The following ZNF615 variants were observed in gnomAD, a reference collection of about 807,000 sequenced individuals.
The protein encoded by ZNF615 is zinc finger protein 615.
ZNF615 carries 15 observed loss-of-function variants against 15.3 expected under a neutral mutation model. That is an observed-to-expected ratio of 0.98 (90% CI 0.66 to 1.51). ZNF615 has a LOEUF of 1.51. ZNF615 is among the 40% of genes most tolerant of loss of function. The probability of loss-of-function intolerance (pLI) is 0.00; values close to 1 mark genes in which losing one functional copy is unlikely to be tolerated. For missense variants in ZNF615, 848 were observed against 895.9 expected (o/e 0.95, Z 0.68); for synonymous variants, 268 against 294.6 (o/e 0.91, Z 0.92).
In ZNF615 at chr19:51,994,248, A is replaced by T; in HGVS notation, c.861T>A (p.Asn287Lys). The T allele has an allele frequency of 6.2e-7, 1 of 1,614,138 alleles. No individual in the cohort carries two copies. The highest frequency in any genetic ancestry group is 8.5e-7 in the Non-Finnish European group (1 of 1,180,020). The change falls in exon 7 of 7, where the codon AAT becomes AAA. Residue 287 changes from asparagine to lysine, a missense_variant. Asn to Lys is a moderately conservative substitution (Grantham distance 94). Coordinates refer to ENST00000598071, the MANE Select transcript of ZNF615 (RefSeq NM_001199324.2). ...CTCCCATATGAGTTTTCTGATGTAT[A>T]TTGAGCTGTGATTTCTTGAGGAAGG... Reference protein sequence around the residue: ...DKTFLKKSQLNIHQKTHMGGK... With the variant: ...DKTFLKKSQLKIHQKTHMGGK...
rs769560133 is a variant in ZNF615 at position 52,003,696 on chromosome 19, C to G, written c.15+1G>C. ...AAAGAATAAAACAAACCAAAAGTCACCTGGGCCTGCATCATTGTCTCCTAA... is the reference window on the plus strand; with the variant it reads ...AAAGAATAAAACAAACCAAAAGTCAGCTGGGCCTGCATCATTGTCTCCTAA... On this transcript the variant is annotated splice_donor_variant, in intron 3 of 6. Transcript: ENST00000598071. LOFTEE classifies it high-confidence loss of function. 4 of 1,612,696 alleles carry G rather than the reference C, an allele frequency of 2.5e-6. No individual in the cohort carries two copies. In the Admixed American group the frequency reaches 6.7e-5, roughly 27 times the overall value.
chr19:51,996,512 T>G (rs1341658343), intron 6 of ZNF615, among the ~76,000 whole-genome samples: 1 of 152,016 alleles, frequency 6.6e-6, no homozygotes, highest in Non-Finnish European at 1.5e-5. Context: ...GCATGCCTTG[T>G]GAAACACATA....
intron 2 of ZNF615, chr19:52,004,964 C>T (rs903399355): frequency 2.6e-5 from 4 of 151,974 alleles, no homozygotes; most frequent in Non-Finnish European, 5.9e-5. Context: ...TTAAAATATT[C>T]CATAAGAACA....
At chr19:52,001,514 A>G (rs980889515) in intron 5 of ZNF615, among the ~76,000 whole-genome samples, 14 of 150,666 alleles carry the variant, frequency 9.3e-5, no homozygotes, top group Non-Finnish European at 4.4e-5. Flanking sequence ...GCTACTCAGG[A>G]GGCTGAGGCA....
At chr19:52,007,116 C>A (rs137897623) in intron 2 of ZNF615, among the ~76,000 whole-genome samples, 177 bp downstream of exon 2, 6 of 152,100 alleles carry the variant, frequency 3.9e-5, no homozygotes, top group Non-Finnish European at 7.4e-5. Context: ...ATAGTACCAC[C>A]GGCTCAAACA....
intron 3 of ZNF615, 93 bp from the exon 4 acceptor site, chr19:52,002,374 A>G (rs537712867): frequency 8.2e-5 from 128 of 1,560,684 alleles, no homozygotes; most frequent in South Asian, 1.3e-4. Flanking sequence ...TTCACCACAT[A>G]GGAAGCTGGT....
In ZNF615 at chr19:51,994,001, G is replaced by A; in HGVS notation, c.1108C>T (p.Leu370Phe). The A allele has an allele frequency of 1.9e-6, 3 of 1,612,326 alleles. No homozygotes were observed. Among genetic ancestry groups the A allele is most frequent in the African/African-American group, 2.7e-5 (2 of 74,944 alleles). Residue 370 changes from leucine to phenylalanine, a missense_variant, in exon 7 of 7, where the codon CTT (leucine) becomes TTT (phenylalanine). Coordinates refer to ENST00000598071, the MANE Select transcript of ZNF615 (RefSeq NM_001199324.2). The part of the protein sequence containing the change: ...CGKGFIEKRR[L>F]TAHHRTHTGE... The stretch of plus-strand genomic sequence containing the variant: ...GTATGAGTTCGATGATGTGCAGTAA[G>A]ACGCCTCTTCTCAATGAAGCCTTTT...
chr19:51,993,292 G>A lies in ZNF615; in HGVS notation c.1817C>T (p.Pro606Leu), dbSNP rs201812504. The change falls in exon 7 of 7, where the codon CCT (proline) becomes CTT (leucine). Residue 606 changes from proline (P) to leucine (L), a missense_variant. Coordinates refer to ENST00000598071, the MANE Select transcript of ZNF615 (RefSeq NM_001199324.2). ...AHQRTHTGEKPYICNECGKGF... is the reference protein window; with the variant it reads ...AHQRTHTGEKLYICNECGKGF... ...CTTTCCACATTCATTGCATATATAA[G>A]GTTTCTCCCCAGTATGAGTTCGCTG... 11 of 1,614,072 alleles carry A rather than the reference G, an allele frequency of 6.8e-6. No homozygotes were observed. The African/African-American group carries it at 8.0e-5, about 12-fold the overall frequency.
Position 51,994,423 on chromosome 19 carries a change from T to G in ZNF615, c.686A>C (p.Gln229Pro). 2 of 1,614,098 alleles carry G rather than the reference T, an allele frequency of 1.2e-6. No individual in the cohort carries two copies. Among genetic ancestry groups the G allele is most frequent in the Non-Finnish European group, 1.7e-6 (2 of 1,179,986 alleles). The stretch of plus-strand genomic sequence containing the variant: ...GTGAACTCTCTGATGATCAATAAAC[T>G]GAGACAACTTGAGGAAGGCTTTCCC... Reference protein sequence around the residue: ...ECGKAFLKLSQFIDHQRVHTG... With the variant: ...ECGKAFLKLSPFIDHQRVHTG... The change falls in exon 7 of 7, where the codon CAG becomes CCG. Residue 229 changes from glutamine (Q) to proline (P), a missense_variant. Coordinates refer to ENST00000598071, the MANE Select transcript of ZNF615 (RefSeq NM_001199324.2).
rs1206209838 is a variant in ZNF615 at position 51,992,828 on chromosome 19, C to T, written c.*52G>A. The stretch of plus-strand genomic sequence containing the variant: ...AGTCTGCATTCATGAAATTACTCTT[C>T]TTTGCAGATATCTTAAGGGCCTACA... On this transcript the variant is annotated 3_prime_UTR_variant, in exon 7 of 7. Coordinates refer to ENST00000598071, the MANE Select transcript of ZNF615 (RefSeq NM_001199324.2). 1 of 1,576,710 alleles carries T rather than the reference C, an allele frequency of 6.3e-7. No individual in the cohort carries two copies. Among genetic ancestry groups the T allele is most frequent in the South Asian group, 1.2e-5 (1 of 86,488 alleles).
chr19:51,993,634 T>C lies in ZNF615; in HGVS notation c.1475A>G (p.Glu492Gly). ...ACAATCATTGCATATATATGGCTTC[T>C]CTGCAGTATGAGTTCGCTGATGTAC... ...LIVHQRTHTA[E>G]KPYICNDCGK... Residue 492 changes from glutamate to glycine, a missense_variant, in exon 7 of 7, where the codon GAG (glutamate) becomes GGG (glycine). Transcript: ENST00000598071. The C allele has an allele frequency of 6.2e-7, 1 of 1,614,142 alleles. No homozygotes were observed. Among genetic ancestry groups the C allele is most frequent in the South Asian group, 1.1e-5 (1 of 91,082 alleles).
chr19:52,004,983 G>A (rs142830337), intron 2 of ZNF615: 4,038 of 152,182 alleles, frequency 0.027, 77 homozygotes, highest in Non-Finnish European at 0.045. Flanking sequence ...CATATAGGCC[G>A]GGTGCGGTGG....
rs924928612 is a variant in ZNF615, at chr19:51,993,925, T to C, written c.1184A>G (p.Lys395Arg). The change falls in exon 7 of 7, where the codon AAG becomes AGG. Residue 395 changes from lysine (K) to arginine (R), a missense_variant. Physicochemically the swap from Lys to Arg is conservative, Grantham distance 26 (BLOSUM62 2). Transcript: ENST00000598071. ...CNKCGKGFTL[K>R]NSLITHQQTH... ...TTGCTGATGTGTGATAAGACTGTTC[T>C]TCAAGGTGAAGCCTTTCCCACATTT... 7 of 1,614,222 alleles carry C rather than the reference T, an allele frequency of 4.3e-6. No homozygotes were observed. Among genetic ancestry groups the C allele is most frequent in the Non-Finnish European group, 5.9e-6 (7 of 1,180,020 alleles).
Position 51,993,430 on chromosome 19 carries a change from A to G in ZNF615, c.1679T>C (p.Phe560Ser). The G allele has an allele frequency of 6.2e-7, 1 of 1,614,096 alleles. No homozygotes were observed. The highest frequency in any genetic ancestry group is 8.5e-7 in the Non-Finnish European group (1 of 1,180,008). The stretch of plus-strand genomic sequence containing the variant: ...TACATTGAGATGACTCTTCTCAGTG[A>G]AGCCTTTTCCACACTCATTGCAAAT... ...PYICNECGKGFTEKSHLNVHR... is the reference protein window; with the variant it reads ...PYICNECGKGSTEKSHLNVHR... Residue 560 changes from phenylalanine (F) to serine (S), a missense_variant, in exon 7 of 7, where the codon TTC becomes TCC. Coordinates refer to ENST00000598071, the MANE Select transcript of ZNF615 (RefSeq NM_001199324.2).
At chr19:52,004,104 G>A (rs1330611920) in intron 2 of ZNF615, among the ~76,000 whole-genome samples, 1 of 152,152 alleles carries the variant, frequency 6.6e-6, no homozygotes, top group African/African-American at 2.4e-5. Flanking sequence ...AAGTTGACGT[G>A]GTATGACTAC....
At chr19:52,000,570 A>G (rs568969745) in intron 5 of ZNF615, among the ~76,000 whole-genome samples, 192 bp from the exon 6 acceptor site, 1 of 152,314 alleles carries the variant, frequency 6.6e-6, no homozygotes, top group South Asian at 2.1e-4. Context: ...TTAAGGCAGA[A>G]GTTAATTTGG....
chr19:51,993,965 G>A lies in ZNF615; in HGVS notation c.1144C>T (p.Pro382Ser). The change falls in exon 7 of 7, where the codon CCC becomes TCC. Residue 382 changes from proline to serine, a missense_variant. Coordinates refer to ENST00000598071, the MANE Select transcript of ZNF615 (RefSeq NM_001199324.2). ...TTCCCACATTTATTGCATATAAAGG[G>A]TTTCTCACCAGTATGAGTTCGATGA... ...AHHRTHTGEK[P>S]FICNKCGKGF... 1 of 1,612,192 alleles carries A rather than the reference G, an allele frequency of 6.2e-7. No homozygotes were observed. The highest frequency in any genetic ancestry group is 8.5e-7 in the Non-Finnish European group (1 of 1,178,950).
At chr19:52,001,649 G>T in intron 5 of ZNF615, 164 bp downstream of exon 5, 1 of 590,642 alleles carries the variant, frequency 1.7e-6, no homozygotes, top group Non-Finnish European at 3.0e-6. Flanking sequence ...AAGAAAGTGG[G>T]GCATATTTTC....
Position 52,008,182 on chromosome 19 carries a change from C to G in ZNF615, c.-269G>C. Reference sequence around the variant, plus strand: ...GGCTCCGGCCTCATCTCTCGGCCTCCTCAGTGCCTGACGGCGACTATCCAG... The same window carrying G: ...GGCTCCGGCCTCATCTCTCGGCCTCGTCAGTGCCTGACGGCGACTATCCAG... On this transcript the variant is annotated 5_prime_UTR_variant, in exon 1 of 7. Transcript: ENST00000598071. The G allele has an allele frequency of 1.3e-6, 2 of 1,535,450 alleles. No individual in the cohort carries two copies. Among genetic ancestry groups the G allele is most frequent in the Non-Finnish European group, 1.7e-6 (2 of 1,146,712 alleles).
Sources: gnomAD v4.1 joint callset for allele counts (sites outside exome capture counted in the v4.1 genomes callset) on GRCh38, gnomAD v4.1.1 for gene constraint, MANE v1.5 for transcripts, NCBI Gene and HGNC (gene_info 2026-07-23, HGNC 2026-07-21) for gene names.